Variants in DNAH7 observed in about 807,000 individuals in gnomAD.
DNAH7 encodes the protein dynein axonemal heavy chain 7, also known as axonemal beta dynein heavy chain 7.
DNAH7 carries 397 observed loss-of-function variants against 444.6 expected under a neutral mutation model. The ratio of observed to expected loss-of-function variants is 0.89; its 90% CI spans 0.82 to 0.97. DNAH7 has a LOEUF of 0.97. Among genes scored for constraint, DNAH7 ranks in the 50% least tolerant of loss-of-function variants. The probability of loss-of-function intolerance (pLI) is 0.00; values close to 1 mark genes in which losing one functional copy is unlikely to be tolerated. For synonymous variants in DNAH7, 1,636 were observed against 1,624.4 expected, an observed-to-expected ratio of 1.01 and a Z score of -0.17; for missense variants, 4,902 against 4,800.8, an observed-to-expected ratio of 1.02 and a Z score of -0.62.
chr2:196,028,143 A>G (rs1695807316), intron 5 of DNAH7, 96 bp from the exon 6 acceptor site: 2 of 960,484 alleles, frequency 2.1e-6, no homozygotes, highest in African/African-American at 3.3e-5. Context: ...TTTCTATTAA[A>G]TCATAAGGAA....
intron 12 of DNAH7, among the ~76,000 whole-genome samples, chr2:195,992,163 A>G (rs1007797391): frequency 3.3e-5 from 5 of 152,210 alleles, no homozygotes; most frequent in African/African-American, 1.2e-4. Context: ...TAGATATGGG[A>G]AACAGGGAAA....
intron 5 of DNAH7, 102 bp from the exon 6 acceptor site, chr2:196,028,149 A>C: frequency 2.2e-6 from 2 of 913,916 alleles, no homozygotes; most frequent in Non-Finnish European, 3.3e-6. Flanking sequence ...TTAAATCATA[A>C]GGAAAAATGA....
chr2:195,824,484 T>A, intron 48 of DNAH7, 39 bp from the exon 49 acceptor site: 1 of 1,509,550 alleles, frequency 6.6e-7, no homozygotes, highest in Non-Finnish European at 9.0e-7. Flanking sequence ...TTATTTTAAA[T>A]ATTGACTATA....
At chr2:196,061,734 G>A (rs929189936) in intron 1 of DNAH7, among the ~76,000 whole-genome samples, 1 of 152,118 alleles carries the variant, frequency 6.6e-6, no homozygotes, top group African/African-American at 2.4e-5. Flanking sequence ...AAGAAAGAAT[G>A]GGGGATCAAG....
chr2:195,999,357 G>A (rs890543644), intron 12 of DNAH7: 1 of 624,526 alleles, frequency 1.6e-6, no homozygotes, highest in African/African-American at 1.8e-5. Context: ...AAATCATTAA[G>A]CAAGAATTCA....
intron 63 of DNAH7, among the ~76,000 whole-genome samples, chr2:195,754,101 G>A (rs1242827287): frequency 6.6e-6 from 1 of 152,108 alleles, no homozygotes; most frequent in Admixed American, 6.5e-5. Context: ...TTCATCTACT[G>A]TTATCATTTT....
At chr2:195,841,996 G>A (rs112408667) in intron 47 of DNAH7, among the ~76,000 whole-genome samples, 39 of 151,990 alleles carry the variant, frequency 2.6e-4, no homozygotes, top group Non-Finnish European at 4.3e-4. Flanking sequence ...TGATATTTTC[G>A]TTTTTACACA....
intron 57 of DNAH7, among the ~76,000 whole-genome samples, chr2:195,789,322 G>A (rs926517187): frequency 9.9e-5 from 15 of 152,132 alleles, no homozygotes; most frequent in Non-Finnish European, 1.6e-4. Flanking sequence ...AAAAGCATAG[G>A]AATTCATAGT....
intron 59 of DNAH7, among the ~76,000 whole-genome samples, 163 bp from the exon 60 acceptor site, chr2:195,776,146 A>T (rs1336858865): frequency 6.6e-6 from 1 of 151,470 alleles, no homozygotes; most frequent in Non-Finnish European, 1.5e-5. Flanking sequence ...GCCAAAGTTT[A>T]AAAAAAAATA....
At chr2:195,910,948 A>G (rs2125307428) in intron 24 of DNAH7, among the ~76,000 whole-genome samples, 1 of 152,330 alleles carries the variant, frequency 6.6e-6, no homozygotes, top group Admixed American at 6.5e-5. Context: ...CAAAATGATA[A>G]ATTAACATTT....
chr2:195,874,755 A>G (rs341934), intron 38 of DNAH7, among the ~76,000 whole-genome samples: 150,373 of 152,230 alleles, frequency 0.99, 74,294 homozygotes, highest in Middle Eastern at 1. Flanking sequence ...CCAGGAGTTT[A>G]AGGCTGCCGT....
At chr2:195,861,649 T>C in intron 42 of DNAH7, 68 bp downstream of exon 42, 2 of 1,012,874 alleles carry the variant, frequency 2.0e-6, no homozygotes, top group Non-Finnish European at 3.0e-6. Context: ...ATATATTATG[T>C]CGTTTTTGCA....
At chr2:196,060,946 C>CTA (rs1698099889) in intron 1 of DNAH7, among the ~76,000 whole-genome samples, 1 of 152,142 alleles carries the variant, frequency 6.6e-6, no homozygotes, top group South Asian at 2.1e-4. Flanking sequence ...AATTCATTCT[C>CTA]ATTTTTTAAA....
In DNAH7 at chr2:195,858,400, C is replaced by T. The variant is rs540681287; in HGVS notation, c.8067+74G>A. 1.0e-5 allele frequency: 13 copies of T among 1,271,426 alleles called. No homozygotes were observed. In the South Asian group the frequency reaches 2.1e-4, roughly 21 times the overall value. 78.8% of individuals were successfully genotyped at this position (1,271,426 alleles called of 1,614,324 possible). On this transcript the variant is annotated intron_variant, in intron 43 of 64. Coordinates refer to ENST00000312428, the MANE Select transcript of DNAH7 (RefSeq NM_018897.3). ...GGCTAATTCGGAGAGACAAACTAGA[C>T]TAGAACACAATGCTAATTTCTTTCT...
At chr2:196,013,124 T>G (rs1694817092) in intron 9 of DNAH7, among the ~76,000 whole-genome samples, 1 of 152,162 alleles carries the variant, frequency 6.6e-6, no homozygotes, top group African/African-American at 2.4e-5. Context: ...ATAACTTCAC[T>G]GTGAAGTAGA....
Position 195,972,291 on chromosome 2 carries a change from T to C in DNAH7, c.2009A>G (p.His670Arg), listed in dbSNP as rs761107446. 5.6e-6 allele frequency: 9 copies of C among 1,614,150 alleles called. No homozygotes were observed. Among genetic ancestry groups the C allele is most frequent in the African/African-American group, 1.3e-5 (1 of 75,060 alleles). The stretch of plus-strand genomic sequence containing the variant: ...TATTTTCTCTTTAATGATTTTCCTG[T>C]GTTCTTCAAAAATTTCTCCCATCCT... ...YGRMGEIFEEHRKIIKEKIEQ... is the reference protein window; with the variant it reads ...YGRMGEIFEERRKIIKEKIEQ... The change falls in exon 16 of 65, where the codon CAC becomes CGC. Residue 670 changes from histidine (H) to arginine (R), a missense_variant. Transcript: ENST00000312428.
chr2:195,841,170 G>A (rs1051805913), intron 47 of DNAH7, among the ~76,000 whole-genome samples: 5 of 151,602 alleles, frequency 3.3e-5, no homozygotes, highest in Non-Finnish European at 7.4e-5. Context: ...ATTTTAAAAA[G>A]GATAATATTT....
chr2:195,791,327 C>T (rs371790713), intron 57 of DNAH7, among the ~76,000 whole-genome samples: 7 of 142,328 alleles, frequency 4.9e-5, no homozygotes, highest in Middle Eastern at 3.9e-3. Flanking sequence ...ATTAGCCGGG[C>T]GAGGTGGCGG....
intron 30 of DNAH7, 123 bp from the exon 31 acceptor site, chr2:195,891,927 G>T: frequency 1.4e-6 from 1 of 712,452 alleles, no homozygotes; most frequent in South Asian, 3.7e-5. Flanking sequence ...TAGTGAATTT[G>T]ACAAGGTCCC....
Sources: allele counts gnomAD v4.1 joint callset (sites outside exome capture counted in the v4.1 genomes callset), GRCh38; gene constraint gnomAD v4.1.1; transcripts MANE v1.5; gene names NCBI Gene and HGNC (gene_info 2026-07-23, HGNC 2026-07-21).